Variants in LPP observed in about 807,000 individuals in gnomAD.
The protein encoded by LPP is lipoma-preferred partner.
LPP carries 38 observed loss-of-function variants against 60.4 expected under a neutral mutation model. That is an observed-to-expected ratio of 0.63 (90% CI 0.49 to 0.83). The LOEUF (loss-of-function observed/expected upper bound fraction) is 0.83. Among genes scored for constraint, LPP ranks in the 40% least tolerant of loss-of-function variants. LPP has a pLI of 0.00. For synonymous variants in LPP, 328 were observed against 290.8 expected (o/e 1.13, Z -1.30); for missense variants, 902 against 783.6 (o/e 1.15, Z -1.80).
At chr3:188,718,807 C>T (rs1227623965) in intron 8 of LPP, among the ~76,000 whole-genome samples, 1 of 152,206 alleles carries the variant, frequency 6.6e-6, no homozygotes, top group Non-Finnish European at 1.5e-5. Flanking sequence ...ATACTTCATT[C>T]ATTTAAGATA....
chr3:188,690,377 T>C (rs1329681838), intron 7 of LPP, among the ~76,000 whole-genome samples: 1 of 152,202 alleles, frequency 6.6e-6, no homozygotes, highest in Non-Finnish European at 1.5e-5. Context: ...GCCACAGTAA[T>C]GCTAGCAGAA....
chr3:188,265,642 TTAAC>T (rs2149730069), intron 2 of LPP, among the ~76,000 whole-genome samples: 1 of 152,218 alleles, frequency 6.6e-6, no homozygotes, highest in African/African-American at 2.4e-5. Flanking sequence ...GGCTAGGACT[TTAAC>T]AAATAAGAAA....
chr3:188,501,060 T>C (rs182235262), intron 5 of LPP, among the ~76,000 whole-genome samples: 7 of 152,214 alleles, frequency 4.6e-5, no homozygotes, highest in African/African-American at 1.7e-4. Flanking sequence ...TCTACTCTTA[T>C]CTTTATTATT....
intron 3 of LPP, among the ~76,000 whole-genome samples, chr3:188,397,037 A>G (rs1781113802): frequency 6.6e-6 from 1 of 152,226 alleles, no homozygotes; most frequent in African/African-American, 2.4e-5. Flanking sequence ...GGGGCCATTT[A>G]TCTTCTGTGC....
chr3:188,787,345 T>A (rs1399766394), intron 9 of LPP, among the ~76,000 whole-genome samples: 1 of 152,154 alleles, frequency 6.6e-6, no homozygotes, highest in Non-Finnish European at 1.5e-5. Context: ...AATTCCTACA[T>A]TAACTGAAAA....
intron 2 of LPP, among the ~76,000 whole-genome samples, chr3:188,267,397 C>T (rs147339366): frequency 7.2e-4 from 109 of 152,282 alleles, no homozygotes; most frequent in African/African-American, 2.5e-3. Context: ...CTTTGGATGT[C>T]GGTGTTTTCA....
At chr3:188,684,747 A>C (rs1416734163) in intron 7 of LPP, among the ~76,000 whole-genome samples, 3 of 151,642 alleles carry the variant, frequency 2.0e-5, no homozygotes, top group East Asian at 1.9e-4. Context: ...AAAAAAAAAA[A>C]ACAAAATTTT....
chr3:188,673,965 G>C (rs1194949851), intron 7 of LPP, among the ~76,000 whole-genome samples: 1 of 150,820 alleles, frequency 6.6e-6, no homozygotes, highest in African/African-American at 2.4e-5. Flanking sequence ...TATACCCCCT[G>C]GGTCATTTGC....
chr3:188,795,698 ATCATCATCATCG>A (rs1373061821), intron 9 of LPP, among the ~76,000 whole-genome samples: 2 of 151,950 alleles, frequency 1.3e-5, no homozygotes, highest in Non-Finnish European at 2.9e-5. Flanking sequence ...TTTCATCATC[ATCATCATCATCG>A]TCATCATCAT....
chr3:188,170,353 G>T (rs1003878151), intron 1 of LPP, among the ~76,000 whole-genome samples: 1 of 144,340 alleles, frequency 6.9e-6, no homozygotes, highest in Non-Finnish European at 1.5e-5. Context: ...TTTTTTGAGA[G>T]GGAGTCTCGC....
At chr3:188,617,822 C>A (rs1845141064) in intron 7 of LPP, among the ~76,000 whole-genome samples, 1 of 152,120 alleles carries the variant, frequency 6.6e-6, no homozygotes, top group African/African-American at 2.4e-5. Context: ...GAGAGAAATT[C>A]TATTTATCAG....
At chr3:188,825,315 G>C (rs1371651001) in intron 9 of LPP, among the ~76,000 whole-genome samples, 1 of 143,274 alleles carries the variant, frequency 7.0e-6, no homozygotes, top group Non-Finnish European at 1.5e-5. Flanking sequence ...GTGTGTGTGT[G>C]TAGGATCACT....
At position 188,614,735 on chromosome 3, in the gene LPP, G is replaced by A. The variant is rs1038866035; in HGVS notation, c.1113+4891G>A. Reference sequence around the variant, plus strand: ...GTGGCAAGTGACTGAATGTTGGCATGCTTTGGATGGCAGGAGCTCCTCATC... The same window carrying A: ...GTGGCAAGTGACTGAATGTTGGCATACTTTGGATGGCAGGAGCTCCTCATC... On this transcript the variant is annotated intron_variant, in intron 7 of 11. Coordinates refer to ENST00000617246, the MANE Select transcript of LPP (RefSeq NM_001375462.1). Among the ~76,000 whole-genome samples, 4 of 152,200 alleles carry A rather than the reference G, an allele frequency of 2.6e-5. No individual in the cohort carries two copies. The South Asian group carries it at 6.2e-4, about 24-fold the overall frequency.
intron 3 of LPP, among the ~76,000 whole-genome samples, chr3:188,389,355 G>A (rs908857196): frequency 6.6e-6 from 1 of 152,142 alleles, no homozygotes; most frequent in Non-Finnish European, 1.5e-5. Flanking sequence ...CCAAGGGCCT[G>A]GGACTTGACT....
At chr3:188,564,962 C>T (rs937091011) in intron 6 of LPP, among the ~76,000 whole-genome samples, 4 of 151,900 alleles carry the variant, frequency 2.6e-5, no homozygotes, top group Non-Finnish European at 5.9e-5. Flanking sequence ...CATCCTACGC[C>T]GTGTGTCTCT....
intron 2 of LPP, among the ~76,000 whole-genome samples, chr3:188,240,718 A>C (rs1278091042): frequency 6.6e-6 from 1 of 152,238 alleles, no homozygotes; most frequent in East Asian, 1.9e-4. Context: ...CTTCTTTGGG[A>C]TTCTTCCCTC....
At chr3:188,477,881 T>C (rs1803653998) in intron 4 of LPP, among the ~76,000 whole-genome samples, 1 of 152,188 alleles carries the variant, frequency 6.6e-6, no homozygotes, top group African/African-American at 2.4e-5. Flanking sequence ...ACGTTATACA[T>C]GCTGTCCTAG....
At chr3:188,550,759 C>A (rs4479587) in intron 6 of LPP, among the ~76,000 whole-genome samples, 2 of 151,692 alleles carry the variant, frequency 1.3e-5, no homozygotes, top group African/African-American at 4.8e-5. Flanking sequence ...AGAGGTGATA[C>A]GACACATAGA....
chr3:188,503,111 T>C (rs1056633060), intron 5 of LPP, among the ~76,000 whole-genome samples: 3 of 152,098 alleles, frequency 2.0e-5, no homozygotes, highest in African/African-American at 7.2e-5. Flanking sequence ...AATATTTAAA[T>C]TCCTACCTGA....
Sources: gnomAD v4.1 joint callset for allele counts (sites outside exome capture counted in the v4.1 genomes callset) on GRCh38, gnomAD v4.1.1 for gene constraint, MANE v1.5 for transcripts, NCBI Gene and HGNC (gene_info 2026-07-23, HGNC 2026-07-21) for gene names.